Variants in LGR5 observed in about 807,000 individuals in gnomAD.
LGR5 encodes the protein leucine-rich repeat-containing G protein-coupled receptor 5.
In LGR5, 54 loss-of-function variants were observed where a neutral mutation model predicts 76.7. That is an observed-to-expected ratio of 0.70 (90% confidence interval 0.57 to 0.88). LGR5 has a LOEUF of 0.88. Among genes scored for constraint, LGR5 ranks in the 40% least tolerant of loss-of-function variants. The pLI, the probability that LGR5 is intolerant of heterozygous loss-of-function variation, is 0.00. For missense variants in LGR5, 1,078 were observed against 1,073.3 expected (o/e 1.00, Z -0.06); for synonymous variants, 406 against 421.9 (o/e 0.96, Z 0.46).
intron 1 of LGR5, among the ~76,000 whole-genome samples, chr12:71,495,977 CAA>C (rs1238055391): frequency 2.0e-4 from 31 of 152,182 alleles, no homozygotes; most frequent in Middle Eastern, 3.4e-3. Context: ...TCCTGATGGT[CAA>C]AGTCACGTGA....
At chr12:71,476,088 C>G (rs557166807) in intron 1 of LGR5, among the ~76,000 whole-genome samples, 3 of 152,234 alleles carry the variant, frequency 2.0e-5, no homozygotes, top group South Asian at 2.1e-4. Flanking sequence ...TATTAGGACA[C>G]TATCCAGCCA....
At position 71,583,715 on chromosome 12, in the gene LGR5, GT is replaced by G; in HGVS notation, c.1707del (p.Leu570TrpfsTer9). Reference protein sequence around the residue: ...LIRIGVWTIAVLALTCNALVT... With the variant: ...LIRIGVWTIAXLALTCNALVT... ...CAGAATTGGAGTGTGGACCATAGCA[GT>G]TCTGGCACTTACTTGTAATGCTTTG... On this transcript the variant is annotated frameshift_variant, in exon 18 of 18. Coordinates refer to ENST00000266674, the MANE Select transcript of LGR5 (RefSeq NM_003667.4). LOFTEE classifies it low-confidence loss of function (END_TRUNC). 6.2e-7 allele frequency: 1 copy of G among 1,614,160 alleles called. No homozygotes were observed. The highest frequency in any genetic ancestry group is 1.1e-5 in the South Asian group (1 of 91,086).
chr12:71,473,033 A>G (rs909169254), intron 1 of LGR5, among the ~76,000 whole-genome samples: 34 of 152,254 alleles, frequency 2.2e-4, no homozygotes, highest in African/African-American at 8.0e-4. Flanking sequence ...ATAGAGTGAT[A>G]GAAGCTTCAG....
Position 71,584,324 on chromosome 12 carries a change from C to T in LGR5, c.2314C>T (p.Leu772Phe). 6.2e-7 allele frequency: 1 copy of T among 1,614,226 alleles called. No individual in the cohort carries two copies. The change falls in exon 18 of 18, where the codon CTC becomes TTC. Residue 772 changes from leucine to phenylalanine, a missense_variant. Physicochemically the swap from Leu to Phe is conservative, Grantham distance 22 (BLOSUM62 0). Transcript: ENST00000266674. ...CSMVKHIALL[L>F]FTNCILNCPV... is the part of the protein sequence containing the mutation. ...TATGGTAAAACACATTGCCCTGTTG[C>T]TCTTCACCAACTGCATCCTAAACTG...
At chr12:71,499,484 G>C (rs1259182727) in intron 1 of LGR5, among the ~76,000 whole-genome samples, 3 of 152,098 alleles carry the variant, frequency 2.0e-5, no homozygotes, top group Non-Finnish European at 4.4e-5. Context: ...ATCACACATT[G>C]CATGGAGGAA....
At chr12:71,559,363 G>C (rs1877942648) in intron 6 of LGR5, among the ~76,000 whole-genome samples, 1 of 152,084 alleles carries the variant, frequency 6.6e-6, no homozygotes, top group African/African-American at 2.4e-5. Context: ...ATTGAGTCCT[G>C]ACTCTCAAAT....
intron 1 of LGR5, among the ~76,000 whole-genome samples, chr12:71,447,429 G>A (rs993246933): frequency 2.6e-5 from 4 of 152,182 alleles, no homozygotes; most frequent in Non-Finnish European, 4.4e-5. Flanking sequence ...CAGTACTGAT[G>A]TTTAGAAAAA....
At chr12:71,512,880 T>C (rs1352656351) in intron 2 of LGR5, among the ~76,000 whole-genome samples, 1 of 152,204 alleles carries the variant, frequency 6.6e-6, no homozygotes, top group Non-Finnish European at 1.5e-5. Context: ...GGGTCTGTTC[T>C]AGAGATAATG....
chr12:71,457,998 A>C (rs1872552654), intron 1 of LGR5, among the ~76,000 whole-genome samples: 1 of 152,110 alleles, frequency 6.6e-6, no homozygotes, highest in African/African-American at 2.4e-5. Flanking sequence ...GCCAGTTACC[A>C]ACTTCAGTAG....
At chr12:71,481,987 C>A (rs981969203) in intron 1 of LGR5, among the ~76,000 whole-genome samples, 1 of 151,992 alleles carries the variant, frequency 6.6e-6, no homozygotes, top group Non-Finnish European at 1.5e-5. Context: ...TTTATTTTTT[C>A]TTTTCATTGT....
intron 1 of LGR5, among the ~76,000 whole-genome samples, chr12:71,452,903 GA>G (rs1244841687): frequency 2.0e-5 from 3 of 152,162 alleles, no homozygotes; most frequent in Non-Finnish European, 2.9e-5. Context: ...ACTTGTGTAG[GA>G]TGCATTAAAT....
chr12:71,514,485 T>G (rs4760803), intron 2 of LGR5, among the ~76,000 whole-genome samples: 148,043 of 151,516 alleles, frequency 0.98, 72,422 homozygotes, highest in Middle Eastern at 1. Context: ...GGAGAATGGC[T>G]TGAACCCGGA....
At chr12:71,559,488 A>G (rs754498740) in intron 6 of LGR5, 98 bp from the exon 7 acceptor site, 1 of 675,214 alleles carries the variant, frequency 1.5e-6, no homozygotes, top group African/African-American at 1.8e-5. Flanking sequence ...TCCATTAGTC[A>G]TATGGGTTCC....
chr12:71,450,609 T>G (rs1175691026), intron 1 of LGR5, among the ~76,000 whole-genome samples: 3 of 152,310 alleles, frequency 2.0e-5, no homozygotes, highest in Admixed American at 2.0e-4. Flanking sequence ...AGGCCCAGCC[T>G]CTGTTCATAG....
Position 71,458,999 on chromosome 12 carries a change from G to A in LGR5, c.212+18707G>A, listed in dbSNP as rs562210835. On this transcript the variant is annotated intron_variant, in intron 1 of 17. Transcript: ENST00000266674. ...GTTAGAGTTAGCCAAGGAAAGGAGA[G>A]GGAAGGAGTATTCTAGACTTTCCCA... 3.3e-5 allele frequency among the ~76,000 whole-genome samples: 5 copies of A among 152,128 alleles called. No individual in the cohort carries two copies. In the South Asian group the frequency reaches 1.0e-3, roughly 32 times the overall value.
intron 4 of LGR5, among the ~76,000 whole-genome samples, chr12:71,552,419 G>T (rs1877532974): frequency 6.6e-6 from 1 of 151,926 alleles, no homozygotes; most frequent in African/African-American, 2.4e-5. Flanking sequence ...GTAAAAATTA[G>T]CCAGGTGTGG....
At chr12:71,473,932 T>C (rs1037453987) in intron 1 of LGR5, among the ~76,000 whole-genome samples, 11 of 152,154 alleles carry the variant, frequency 7.2e-5, no homozygotes, top group African/African-American at 2.7e-4. Context: ...TTCTTGCAAC[T>C]TCAGCCTCTT....
chr12:71,551,531 G>A (rs554746166), intron 4 of LGR5, among the ~76,000 whole-genome samples: 15 of 151,946 alleles, frequency 9.9e-5, no homozygotes, highest in Non-Finnish European at 1.6e-4. Flanking sequence ...AAATGTGTGC[G>A]TCTTAAAAGC....
Position 71,547,623 on chromosome 12 carries a change from T to C in LGR5, c.429-5450T>C, listed in dbSNP as rs1314701501. Reference sequence around the variant, plus strand: ...TGATTCTGCCTTATACATGTGAACATTGACCCACAAAGAGAGATATCAATA... The same window carrying C: ...TGATTCTGCCTTATACATGTGAACACTGACCCACAAAGAGAGATATCAATA... On this transcript the variant is annotated intron_variant, in intron 4 of 17. Transcript: ENST00000266674. Among the ~76,000 whole-genome samples the C allele has an allele frequency of 2.0e-5, 3 of 152,178 alleles. No homozygotes were observed. The South Asian group carries it at 6.2e-4, about 32-fold the overall frequency.
Sources: allele counts gnomAD v4.1 joint callset (sites outside exome capture counted in the v4.1 genomes callset), GRCh38; gene constraint gnomAD v4.1.1; transcripts MANE v1.5; gene names NCBI Gene and HGNC (gene_info 2026-07-23, HGNC 2026-07-21).